OXNAD1: variants seen among roughly 807,000 people sequenced by gnomAD.
OXNAD1 encodes the protein oxidoreductase NAD-binding domain-containing protein 1.
OXNAD1 carries 34 observed loss-of-function variants against 32.9 expected under a neutral mutation model. The ratio of observed to expected loss-of-function variants is 1.03; its 90% confidence interval spans 0.79 to 1.38. OXNAD1 has a LOEUF of 1.38. OXNAD1 is among the 40% of genes most tolerant of loss of function. The probability of loss-of-function intolerance (pLI) is 0.00; values close to 1 mark genes in which losing one functional copy is unlikely to be tolerated. For missense variants in OXNAD1, 407 were observed against 379.4 expected, an observed-to-expected ratio of 1.07 and a Z score of -0.60; for synonymous variants, 134 against 135.2, an observed-to-expected ratio of 0.99 and a Z score of 0.06.
chr3:16,265,915 G>T lies in OXNAD1; in HGVS notation c.-159+410G>T, dbSNP rs2064462614. On this transcript the variant is annotated intron_variant, in intron 1 of 8. Transcript: ENST00000285083. This position sits in a 1 kb window ranked among gnomAD's most constrained non-coding sequence, Gnocchi z 4.8. ...ATGGTGTCAGTAGGCAGGTTTATCA[G>T]TGTGAGGCCTATGTATGCCTTGAAG... 1.0e-6 allele frequency: 1 copy of T among 984,396 alleles called. No individual in the cohort carries two copies. Among genetic ancestry groups the T allele is most frequent in the African/African-American group, 1.7e-5 (1 of 57,344 alleles). 61.0% of individuals were successfully genotyped at this position (984,396 alleles called of 1,614,324 possible). A position where few individuals can be genotyped will look rare whatever the true frequency, so the allele number is the denominator to read the frequency against.
At position 16,317,041 on chromosome 3, in the gene OXNAD1, C is replaced by A. The variant is rs775174618; in HGVS notation, c.*30+13449C>A. ...CCTTGTCCTCTTGGACAGGGCCCTT[C>A]ATCTCCTCGGAGACTCCACCCTCCT... On this transcript the variant is annotated intron_variant, in intron 9 of 9. Transcript: ENST00000435829. The surrounding 1 kb of genome is among the most constrained non-coding windows in gnomAD (Gnocchi z 4.3). 3 of 1,613,784 alleles carry A rather than the reference C, an allele frequency of 1.9e-6. No homozygotes were observed. Among genetic ancestry groups the A allele is most frequent in the African/African-American group, 2.7e-5 (2 of 74,836 alleles).
chr3:16,272,644 GTTC>G (rs1342072280), intron 4 of OXNAD1, among the ~76,000 whole-genome samples: 7 of 118,826 alleles, frequency 5.9e-5, no homozygotes, highest in Admixed American at 3.8e-4. Flanking sequence ...TCAGCTTAAA[GTTC>G]TTTTTTTTTT....
In OXNAD1 at chr3:16,327,416, T is replaced by C. The variant is rs1254627412; in HGVS notation, c.*31-9696T>C. Among the ~76,000 whole-genome samples the C allele has an allele frequency of 6.6e-6, 1 of 152,168 alleles. No individual in the cohort carries two copies. The highest frequency in any genetic ancestry group is 1.5e-5 in the Non-Finnish European group (1 of 68,018). ...GCAGGGATAAATGAATGCTGCCATG[T>C]TTTATTTCAAATTAGGATTTGGGGA... On this transcript the variant is annotated intron_variant, in intron 9 of 9. Coordinates refer to the OXNAD1 transcript ENST00000435829. This position sits in a 1 kb window ranked among gnomAD's most constrained non-coding sequence, Gnocchi z 4.2.
chr3:16,296,991 A>C (rs2066845989), intron 6 of OXNAD1, among the ~76,000 whole-genome samples: 1 of 152,226 alleles, frequency 6.6e-6, no homozygotes, highest in Non-Finnish European at 1.5e-5. Flanking sequence ...GGTTGATGAT[A>C]GGACATGGTC....
At chr3:16,266,826 CCT>C (rs1192068868) in intron 1 of OXNAD1, among the ~76,000 whole-genome samples, 4 of 152,068 alleles carry the variant, frequency 2.6e-5, no homozygotes, top group African/African-American at 9.7e-5. Flanking sequence ...TTTATTTATT[CCT>C]CTCAGTAATC....
chr3:16,340,472 A>G (rs1194698043), downstream of OXNAD1, among the ~76,000 whole-genome samples: 1 of 152,280 alleles, frequency 6.6e-6, no homozygotes, highest in African/African-American at 2.4e-5. Flanking sequence ...AGCAGAGATC[A>G]GCAAGGTTGC....
intron 9 of OXNAD1, chr3:16,323,379 C>T (rs149272972): frequency 1.2e-5 from 20 of 1,605,418 alleles, no homozygotes; most frequent in Admixed American, 1.7e-5. Flanking sequence ...CTCTTACCTT[C>T]GATTCCTTCT....
rs781142629 is a variant in OXNAD1 at position 16,315,363 on chromosome 3, G to A, written c.*30+11771G>A. On this transcript the variant is annotated intron_variant, in intron 9 of 9. Transcript: ENST00000435829. ...ACTCCTGACCTCAGGTGATCAGCCT[G>A]CCTCAGCCTCCCAAAGTGCTGGGAT... is the stretch of plus-strand genomic sequence containing the variant. Among the ~76,000 whole-genome samples the A allele has an allele frequency of 2.6e-4, 40 of 152,276 alleles. 1 individual carries two copies. The highest frequency in any genetic ancestry group is 3.7e-4 in the Non-Finnish European group (25 of 68,020).
chr3:16,290,078 T>G lies in OXNAD1; in HGVS notation c.290+3630T>G, dbSNP rs1408417823. On this transcript the variant is annotated intron_variant, in intron 5 of 8. Transcript: ENST00000285083. The surrounding 1 kb of genome is among the most constrained non-coding windows in gnomAD (Gnocchi z 4.2). ...TTCTGGGATCTCATAGTATAGCTGC[T>G]GTGTGCTTGGCACTGGGGCTCCCTT... 6.6e-6 allele frequency among the ~76,000 whole-genome samples: 1 copy of G among 152,204 alleles called. No homozygotes were observed. The highest frequency in any genetic ancestry group is 1.5e-5 in the Non-Finnish European group (1 of 68,038).
At position 16,329,060 on chromosome 3, in the gene OXNAD1, G is replaced by T. The variant is rs537029906; in HGVS notation, c.*31-8052G>T. Among the ~76,000 whole-genome samples, 63 of 152,358 alleles carry T rather than the reference G, an allele frequency of 4.1e-4. No individual in the cohort carries two copies. Among genetic ancestry groups the T allele is most frequent in the African/African-American group, 1.4e-3 (59 of 41,574 alleles). ...TGACATTGAATGGTGAGGCCTGGTG[G>T]GAGTGTTTAGGTCAGAAGGGCTCCA... On this transcript the variant is annotated intron_variant, in intron 9 of 9. Transcript: ENST00000435829. The surrounding 1 kb of genome is among the most constrained non-coding windows in gnomAD (Gnocchi z 4.5).
rs373630219 is a variant in OXNAD1, at chr3:16,337,241, C to G, written c.*160C>G. On this transcript the variant is annotated 3_prime_UTR_variant, in exon 10 of 10. Transcript: ENST00000435829. The surrounding 1 kb of genome is among the most constrained non-coding windows in gnomAD (Gnocchi z 5.0). ...CTAGCTGTGGTCCACCCATCAGCGC[C>G]TGCAGGCACATGCTGAGATTAGTCG... 7.9e-5 allele frequency: 12 copies of G among 152,352 alleles called. 2 individuals carry two copies. The highest frequency in any genetic ancestry group is 1.9e-4 in the East Asian group (1 of 5,190). The allele number at this position is 152,352 out of a possible 1,614,324, so 9.4% of individuals were successfully genotyped here. A position where few individuals can be genotyped will look rare whatever the true frequency, so the allele number is the denominator to read the frequency against.
intron 9 of OXNAD1, chr3:16,326,966 A>C: frequency 1.0e-6 from 1 of 957,956 alleles, no homozygotes; most frequent in Non-Finnish European, 1.6e-6. Context: ...CCAATCCGCA[A>C]AACAGAAAAG....
In OXNAD1 at chr3:16,280,880, C is replaced by A. The variant is rs2125020124; in HGVS notation, c.184-5462C>A. On this transcript the variant is annotated intron_variant, in intron 4 of 8. Transcript: ENST00000285083. This position sits in a 1 kb window ranked among gnomAD's most constrained non-coding sequence, Gnocchi z 4.5. ...GCAAATGTGTTGTTATTTTACTGAA[C>A]ACTGGAAAAGCATAAATGTTGTTTT... is the stretch of plus-strand genomic sequence containing the variant. Among the ~76,000 whole-genome samples the A allele has an allele frequency of 6.6e-6, 1 of 152,296 alleles. No individual in the cohort carries two copies. The highest frequency in any genetic ancestry group is 2.4e-5 in the African/African-American group (1 of 41,560).
Position 16,288,112 on chromosome 3 carries a change from T to A in OXNAD1, c.290+1664T>A, listed in dbSNP as rs573740457. Among the ~76,000 whole-genome samples the A allele has an allele frequency of 5.9e-5, 9 of 152,184 alleles. No homozygotes were observed. Among genetic ancestry groups the A allele is most frequent in the Admixed American group, 5.2e-4 (8 of 15,274 alleles). On this transcript the variant is annotated intron_variant, in intron 5 of 8. Transcript: ENST00000285083. The surrounding 1 kb of genome is among the most constrained non-coding windows in gnomAD (Gnocchi z 5.1). ...GAGTTCCTTTTGATATTTGACCTTA[T>A]GGTCACAGAATGGCCATTTTGCTGA...
At chr3:16,326,753 A>G (rs757629774) in intron 9 of OXNAD1, 24 of 1,576,166 alleles carry the variant, frequency 1.5e-5, no homozygotes, top group Non-Finnish European at 1.9e-5. Flanking sequence ...TAGAATCCTA[A>G]TGATTACTGT....
chr3:16,309,147 T>C (rs1446709481), downstream of OXNAD1, among the ~76,000 whole-genome samples: 1 of 152,156 alleles, frequency 6.6e-6, no homozygotes, highest in Non-Finnish European at 1.5e-5. Context: ...CTCTTTCTTT[T>C]AATACACTTC....
At position 16,345,821 on chromosome 3, in the gene OXNAD1, C is replaced by CCAAAACCTTATAATAAATCTCT. The variant is rs2071654037; in HGVS notation, c.*31-3355_*31-3354insCAAAACCTTATAATAAATCTCT. ...GTGTGTGTGTGTGTGTGTGTGTGCG[C>CCAAAACCTTATAATAAATCTCT]GCGCGCGTGCGCGCACGCGCACATG... On this transcript the variant is annotated intron_variant, in intron 9 of 9. Coordinates refer to the OXNAD1 transcript ENST00000606098. This position sits in a 1 kb window ranked among gnomAD's most constrained non-coding sequence, Gnocchi z 5.2. Among the ~76,000 whole-genome samples the CCAAAACCTTATAATAAATCTCT allele has an allele frequency of 1.2e-5, 1 of 86,072 alleles. No individual in the cohort carries two copies. The highest frequency in any genetic ancestry group is 2.5e-5 in the Non-Finnish European group (1 of 40,304). The allele number at this position is 86,072 out of a possible 152,430, so 56.5% of individuals were successfully genotyped here. A position where few individuals can be genotyped will look rare whatever the true frequency, so the allele number is the denominator to read the frequency against.
Position 16,317,259 on chromosome 3 carries a change from A to G in OXNAD1, c.*30+13667A>G. 1 of 1,606,506 alleles carries G rather than the reference A, an allele frequency of 6.2e-7. No individual in the cohort carries two copies. The highest frequency in any genetic ancestry group is 8.5e-7 in the Non-Finnish European group (1 of 1,179,396). On this transcript the variant is annotated intron_variant, in intron 9 of 9. Coordinates refer to the OXNAD1 transcript ENST00000435829. The surrounding 1 kb of genome is among the most constrained non-coding windows in gnomAD (Gnocchi z 4.3). Reference sequence around the variant, plus strand: ...TAGAAATCAGAAAGGATGGGGATAAATAACAAGCCTCCGGGAACCCAGAGC... The same window carrying G: ...TAGAAATCAGAAAGGATGGGGATAAGTAACAAGCCTCCGGGAACCCAGAGC...
At chr3:16,269,675 C>A (rs2064790924) in intron 2 of OXNAD1, among the ~76,000 whole-genome samples, 1 of 152,130 alleles carries the variant, frequency 6.6e-6, no homozygotes, top group African/African-American at 2.4e-5. Context: ...CCAGTGCCTG[C>A]CACATAGTGG....
Sources: allele counts gnomAD v4.1 joint callset (sites outside exome capture counted in the v4.1 genomes callset), GRCh38; gene constraint gnomAD v4.1.1; non-coding constraint Gnocchi (gnomAD v3.1); transcripts MANE v1.5; gene names NCBI Gene and HGNC (gene_info 2026-07-23, HGNC 2026-07-21).